Variants in RANBP17 observed in about 807,000 individuals in gnomAD.
RANBP17 encodes RAN binding protein 17.
In RANBP17, 158 loss-of-function variants were observed where a neutral mutation model predicts 141.2. The ratio of observed to expected loss-of-function variants is 1.12; its 90% CI spans 0.98 to 1.28. The LOEUF (loss-of-function observed/expected upper bound fraction) is 1.28. RANBP17 is among the 50% of genes most tolerant of loss of function. The pLI, the probability that RANBP17 is intolerant of heterozygous loss-of-function variation, is 0.00. For missense variants in RANBP17, 1,438 were observed against 1,290.7 expected (o/e 1.11, Z -1.75); for synonymous variants, 430 against 450.0 (o/e 0.96, Z 0.56).
rs1771371852 is a variant in RANBP17 at position 170,909,679 on chromosome 5, T to G, written c.508T>G (p.Ser170Ala). 6.3e-7 allele frequency: 1 copy of G among 1,582,922 alleles called. No homozygotes were observed. The highest frequency in any genetic ancestry group is 8.7e-7 in the Non-Finnish European group (1 of 1,155,836). Residue 170 changes from serine to alanine, a missense_variant, in exon 6 of 28, where the codon TCA becomes GCA. By Grantham distance (99) the Ser-to-Ala change is moderately conservative. Transcript: ENST00000523189. The stretch of plus-strand genomic sequence containing the variant: ...TTTTTAGGTTGATTATTCTAGACCT[T>G]CAGCAAAACACAGGAAAATAGCTAC... ...EMNLVDYSRP[S>A]AKHRKIATSF...
intron 5 of RANBP17, among the ~76,000 whole-genome samples, chr5:170,903,334 C>A (rs1005615173): frequency 1.3e-5 from 2 of 152,226 alleles, no homozygotes; most frequent in South Asian, 4.1e-4. Flanking sequence ...GCCCCTCCCC[C>A]CACCAAGCTG....
Position 171,080,791 on chromosome 5 carries a change from A to G in RANBP17, c.1711-89339A>G, listed in dbSNP as rs542578106. On this transcript the variant is annotated intron_variant, in intron 14 of 27. Transcript: ENST00000523189. Reference sequence around the variant, plus strand: ...CTGCTGCAAATAGAACATTCTGCATAGAACACTCTTCATCATTATTATAAG... The same window carrying G: ...CTGCTGCAAATAGAACATTCTGCATGGAACACTCTTCATCATTATTATAAG... Among the ~76,000 whole-genome samples the G allele has an allele frequency of 9.2e-5, 14 of 152,320 alleles. No homozygotes were observed. The East Asian group carries it at 2.5e-3, about 27-fold the overall frequency.
At chr5:170,964,869 T>C (rs1001744150) in intron 13 of RANBP17, among the ~76,000 whole-genome samples, 2 of 152,196 alleles carry the variant, frequency 1.3e-5, no homozygotes, top group Non-Finnish European at 2.9e-5. Flanking sequence ...CGTGTGCATG[T>C]GTCTTTATAA....
At chr5:170,992,805 AT>A (rs1185515610) in intron 14 of RANBP17, among the ~76,000 whole-genome samples, 6 of 151,982 alleles carry the variant, frequency 3.9e-5, no homozygotes, top group African/African-American at 1.4e-4. Flanking sequence ...GAAATGTTGA[AT>A]TAGAGTAGTG....
At chr5:170,917,270 G>C (rs1772052205) in intron 9 of RANBP17, among the ~76,000 whole-genome samples, 1 of 152,106 alleles carries the variant, frequency 6.6e-6, no homozygotes, top group African/African-American at 2.4e-5. Context: ...GGAGCAAGTG[G>C]CCTTAAATTA....
chr5:170,872,604 G>T (rs553938394), intron 1 of RANBP17, among the ~76,000 whole-genome samples: 1 of 152,292 alleles, frequency 6.6e-6, no homozygotes, highest in South Asian at 2.1e-4. Flanking sequence ...CAAAGGGAAT[G>T]CTTCTAGCTT....
intron 14 of RANBP17, among the ~76,000 whole-genome samples, chr5:171,157,494 T>C (rs1382617778): frequency 6.6e-6 from 1 of 152,234 alleles, no homozygotes; most frequent in Admixed American, 6.5e-5. Flanking sequence ...ATCTGGACTC[T>C]TCAGTGATGA....
chr5:170,973,469 A>T (rs1777133173), intron 14 of RANBP17, among the ~76,000 whole-genome samples: 1 of 152,232 alleles, frequency 6.6e-6, no homozygotes, highest in Non-Finnish European at 1.5e-5. Flanking sequence ...TTAAAAGTAA[A>T]AACTCCTGTG....
chr5:171,106,198 CA>C lies in RANBP17; in HGVS notation c.1711-63930del, dbSNP rs368626905. 5.2e-4 allele frequency among the ~76,000 whole-genome samples: 79 copies of C among 152,280 alleles called. 2 individuals are homozygous for C. The East Asian group carries it at 0.011, about 22-fold the overall frequency. On this transcript the variant is annotated intron_variant, in intron 14 of 27. Transcript: ENST00000523189. ...AACAGTACTGTGACTGAGGTAAACA[CA>C]AGGTTACAGCAGCCCTTAAGAGGAG...
chr5:171,267,467 T>C lies in RANBP17; in HGVS notation c.2943+1620T>C, dbSNP rs147630656. ...TTTGCAAATGTAAACACATCAATAGTGTGTTGCTATATGACCGTTAGGGAG... is the reference window on the plus strand; with the variant it reads ...TTTGCAAATGTAAACACATCAATAGCGTGTTGCTATATGACCGTTAGGGAG... On this transcript the variant is annotated intron_variant, in intron 25 of 27. Transcript: ENST00000523189. 3.1e-3 allele frequency among the ~76,000 whole-genome samples: 466 copies of C among 152,236 alleles called. 1 individual carries two copies. The highest frequency in any genetic ancestry group is 3.3e-3 in the Non-Finnish European group (227 of 68,012).
At chr5:170,892,860 T>C (rs1769766958) in intron 4 of RANBP17, among the ~76,000 whole-genome samples, 1 of 152,190 alleles carries the variant, frequency 6.6e-6, no homozygotes, top group Non-Finnish European at 1.5e-5. Flanking sequence ...TCATAGATTA[T>C]GTAATTAAAT....
chr5:171,106,358 G>A (rs150976934), intron 14 of RANBP17, among the ~76,000 whole-genome samples: 10 of 152,084 alleles, frequency 6.6e-5, no homozygotes, highest in Admixed American at 6.6e-4. Flanking sequence ...GGAGGGGAAG[G>A]GGGTAAATTT....
At chr5:171,289,754 G>C (rs982401266) in intron 25 of RANBP17, among the ~76,000 whole-genome samples, 13 of 152,122 alleles carry the variant, frequency 8.5e-5, no homozygotes, top group African/African-American at 3.1e-4. Context: ...AACAGGCTAG[G>C]TGCAGTGGCT....
chr5:170,996,713 C>T (rs1778840714), intron 14 of RANBP17, among the ~76,000 whole-genome samples: 2 of 152,142 alleles, frequency 1.3e-5, no homozygotes, highest in South Asian at 4.1e-4. Context: ...GTTACATTGT[C>T]ATCATTACTA....
chr5:170,901,692 A>C (rs1770649257), intron 5 of RANBP17, among the ~76,000 whole-genome samples: 1 of 152,164 alleles, frequency 6.6e-6, no homozygotes, highest in African/African-American at 2.4e-5. Context: ...TGCTTCCTTC[A>C]GGAGCTCTTG....
At chr5:171,080,609 G>A (rs1022827165) in intron 14 of RANBP17, among the ~76,000 whole-genome samples, 3 of 152,150 alleles carry the variant, frequency 2.0e-5, no homozygotes, top group African/African-American at 7.2e-5. Context: ...CAGAAATGAT[G>A]GGAAATAAGT....
intron 14 of RANBP17, among the ~76,000 whole-genome samples, chr5:171,165,236 C>A (rs1432380597): frequency 1.3e-5 from 2 of 152,082 alleles, no homozygotes; most frequent in African/African-American, 2.4e-5. Context: ...GGCTGGAGTG[C>A]AATGGCACAA....
intron 16 of RANBP17, 108 bp from the exon 17 acceptor site, chr5:171,183,059 A>AT (rs200353975): frequency 6.4e-6 from 4 of 622,356 alleles, no homozygotes; most frequent in Non-Finnish European, 1.1e-5. Context: ...TAGAAATTAT[A>AT]TTTTTTTATA....
At chr5:171,220,025 G>C (rs1187277668) in intron 21 of RANBP17, among the ~76,000 whole-genome samples, 3 of 151,944 alleles carry the variant, frequency 2.0e-5, no homozygotes, top group Non-Finnish European at 2.9e-5. Context: ...CCTCATCTTC[G>C]TGTATTTATC....
Sources: allele counts gnomAD v4.1 joint callset (sites outside exome capture counted in the v4.1 genomes callset), GRCh38; gene constraint gnomAD v4.1.1; transcripts MANE v1.5; gene names NCBI Gene and HGNC (gene_info 2026-07-23, HGNC 2026-07-21).